PACRGL: variants seen among roughly 807,000 people sequenced by gnomAD.
The protein encoded by PACRGL is PACRG-like protein.
A neutral mutation model predicts 34.5 loss-of-function variants in PACRGL; 38 were observed. That is an observed-to-expected ratio of 1.10 (90% confidence interval 0.85 to 1.44). PACRGL has a LOEUF of 1.44. Among genes scored for constraint, PACRGL ranks in the 40% most tolerant of loss-of-function variants. The pLI is 0.00. For missense variants in PACRGL, 305 were observed against 281.4 expected (o/e 1.08, Z -0.60); for synonymous variants, 128 against 100.1 (o/e 1.28, Z -1.66).
At chr4:20,734,774 TAAAAAAACAAAAACA>T (rs750147049), downstream of PACRGL, 23 of 1,290,826 alleles carry the variant, frequency 1.8e-5, 1 homozygote, top group Non-Finnish European at 2.5e-5. Flanking sequence ...ATGACATTTT[TAAAAAAACAAAAACA>T]AAAAAAACAA....
intron 8 of PACRGL, among the ~76,000 whole-genome samples, chr4:20,727,078 C>G (rs1746017591): frequency 6.6e-6 from 1 of 152,138 alleles, no homozygotes; most frequent in Admixed American, 6.6e-5. Flanking sequence ...CTTCTAACTA[C>G]TTCTCTAGTT....
chr4:20,715,397 C>T (rs934952994), intron 7 of PACRGL, among the ~76,000 whole-genome samples: 2 of 151,884 alleles, frequency 1.3e-5, no homozygotes, highest in Non-Finnish European at 2.9e-5. Flanking sequence ...ACATTGTGCA[C>T]ATGTACCCTA....
chr4:20,748,894 G>GTGTA (rs1160169512), intron 8 of PACRGL, among the ~76,000 whole-genome samples: 5,382 of 145,114 alleles, frequency 0.037, 116 homozygotes, highest in Middle Eastern at 0.058. Context: ...GTGTGTGTGT[G>GTGTA]TATATATATA....
chr4:20,704,289 T>G (rs1030655565), intron 1 of PACRGL, among the ~76,000 whole-genome samples, 177 bp from the exon 2 acceptor site: 1 of 152,198 alleles, frequency 6.6e-6, no homozygotes, highest in African/African-American at 2.4e-5. Flanking sequence ...TTGATACTAT[T>G]GAAGTTGACA....
intron 5 of PACRGL, among the ~76,000 whole-genome samples, chr4:20,711,414 T>C (rs1448010627): frequency 6.6e-6 from 1 of 152,204 alleles, no homozygotes; most frequent in East Asian, 1.9e-4. Context: ...GAAATCCACT[T>C]CAGCTTTTAA....
intron 8 of PACRGL, among the ~76,000 whole-genome samples, chr4:20,738,960 T>G (rs7685481): frequency 0.33 from 50,238 of 151,886 alleles, 8,818 homozygotes; most frequent in African/African-American, 0.44. Context: ...TGGCTCAGAG[T>G]GGCCCACACC....
downstream of PACRGL, among the ~76,000 whole-genome samples, chr4:20,756,272 TGAAAG>T (rs1754433959): frequency 6.6e-6 from 1 of 152,142 alleles, no homozygotes; most frequent in Non-Finnish European, 1.5e-5. Flanking sequence ...ATGTCAAAGT[TGAAAG>T]GAAGTACTAG....
chr4:20,712,983 T>C, intron 6 of PACRGL, 61 bp downstream of exon 6: 1 of 1,405,160 alleles, frequency 7.1e-7, no homozygotes, highest in East Asian at 2.4e-5. Context: ...AAAGCTGTAA[T>C]ATATTTAGAA....
the PACRGL span, among the ~76,000 whole-genome samples, chr4:20,765,900 G>A: frequency 6.6e-6 from 1 of 152,180 alleles, no homozygotes; most frequent in African/African-American, 2.4e-5. Flanking sequence ...GGGGACACAT[G>A]TGAGGGTCAA....
upstream of PACRGL, among the ~76,000 whole-genome samples, chr4:20,697,073 T>C (rs193001745): frequency 2.8e-3 from 427 of 152,364 alleles, 4 homozygotes; most frequent in African/African-American, 0.01. Flanking sequence ...TGCTACCTTA[T>C]ATGCTCACTC....
At chr4:20,702,801 A>G (rs1224417363) in intron 1 of PACRGL, 1 of 152,258 alleles carries the variant, frequency 6.6e-6, no homozygotes, top group African/African-American at 2.4e-5. Flanking sequence ...GACAACTTTA[A>G]TGAGATTTTA....
At chr4:20,746,073 C>T (rs183716288) in intron 8 of PACRGL, among the ~76,000 whole-genome samples, 11 of 152,296 alleles carry the variant, frequency 7.2e-5, no homozygotes, top group Admixed American at 7.2e-4. Context: ...AAGACACATA[C>T]ACATGTATAT....
chr4:20,742,863 G>A (rs1314717902), intron 8 of PACRGL, among the ~76,000 whole-genome samples: 2 of 152,068 alleles, frequency 1.3e-5, no homozygotes, highest in Admixed American at 6.6e-5. Flanking sequence ...CAACTTAAGC[G>A]AAGTCTCAGG....
intron 7 of PACRGL, among the ~76,000 whole-genome samples, chr4:20,717,855 T>A (rs1740907420): frequency 6.6e-6 from 1 of 152,208 alleles, no homozygotes; most frequent in Non-Finnish European, 1.5e-5. Flanking sequence ...AAGTAGTTCT[T>A]TTCCAATTCT....
intron 7 of PACRGL, among the ~76,000 whole-genome samples, chr4:20,716,555 T>G (rs1740127074): frequency 6.6e-6 from 1 of 152,180 alleles, no homozygotes; most frequent in South Asian, 2.1e-4. Context: ...CATTGTTCAA[T>G]TCCCACCTAT....
Position 20,743,979 on chromosome 4 carries a change from A to C in PACRGL, c.*57-8586A>C, listed in dbSNP as rs532074601. Among the ~76,000 whole-genome samples the C allele has an allele frequency of 3.9e-3, 596 of 152,330 alleles. 6 individuals are homozygous for C. Among genetic ancestry groups the C allele is most frequent in the African/African-American group, 0.013 (559 of 41,570 alleles). ...ATATGAACAGACTCTTCTCAAAAGA[A>C]GACATTTATGCAGCCACCAGACACA... On this transcript the variant is annotated intron_variant, in intron 8 of 8. Coordinates refer to the PACRGL transcript ENST00000507634.
chr4:20,701,892 A>AT, intron 1 of PACRGL: 1 of 456,408 alleles, frequency 2.2e-6, no homozygotes, highest in South Asian at 1.5e-5. Flanking sequence ...AAGGTAAAGG[A>AT]TAAAAATTTT....
At chr4:20,704,883 G>A in intron 3 of PACRGL, 69 bp downstream of exon 3, 3 of 1,525,970 alleles carry the variant, frequency 2.0e-6, no homozygotes, top group Non-Finnish European at 2.7e-6. Context: ...GAACAATGCT[G>A]GATGCTGTGT....
chr4:20,705,383 G>C (rs1439127846), intron 3 of PACRGL, among the ~76,000 whole-genome samples: 1 of 152,188 alleles, frequency 6.6e-6, no homozygotes, highest in Non-Finnish European at 1.5e-5. Flanking sequence ...AGTGATTTCA[G>C]CCTTCGAAGG....
Sources: allele counts gnomAD v4.1 joint callset (sites outside exome capture counted in the v4.1 genomes callset), GRCh38; gene constraint gnomAD v4.1.1; transcripts MANE v1.5; gene names NCBI Gene and HGNC (gene_info 2026-07-23, HGNC 2026-07-21).